RGS6: variants seen among roughly 807,000 people sequenced by gnomAD.
RGS6 encodes the protein regulator of G protein signaling 6, also known as regulator of G-protein signaling 6.
In RGS6, 30 loss-of-function variants were observed where a neutral mutation model predicts 78.5. The ratio of observed to expected loss-of-function variants is 0.38; its 90% confidence interval spans 0.29 to 0.52. The LOEUF (loss-of-function observed/expected upper bound fraction) is 0.52. Ranked by LOEUF, RGS6 falls within the 20% of genes least tolerant of loss-of-function variation. The pLI, the probability that RGS6 is intolerant of heterozygous loss-of-function variation, is 0.85. For synonymous variants in RGS6, 206 were observed against 206.0 expected (o/e 1.00, Z 0.00); for missense variants, 495 against 609.7 (o/e 0.81, Z 1.98).
At chr14:72,573,851 G>A in the RGS6 span, among the ~76,000 whole-genome samples, 6 of 152,132 alleles carry the variant, frequency 3.9e-5, no homozygotes, top group Non-Finnish European at 7.4e-5. Flanking sequence ...ACACATGCAC[G>A]TGCACACACA....
intron 2 of RGS6, among the ~76,000 whole-genome samples, chr14:72,040,066 A>C (rs2092251009): frequency 6.6e-6 from 1 of 151,898 alleles, no homozygotes; most frequent in Non-Finnish European, 1.5e-5. Context: ...CTTTCAAACT[A>C]TATCCTTTTA....
intron 2 of RGS6, among the ~76,000 whole-genome samples, chr14:72,332,794 G>A (rs1408169250): frequency 1.3e-5 from 2 of 152,154 alleles, no homozygotes; most frequent in African/African-American, 2.4e-5. Context: ...AGCCTTCCTC[G>A]GGGAAAACAG....
At chr14:72,052,983 T>TTCTTTCTC (rs1447550101) in intron 2 of RGS6, among the ~76,000 whole-genome samples, 33 of 85,630 alleles carry the variant, frequency 3.9e-4, no homozygotes, top group Non-Finnish European at 6.4e-4. Context: ...CTTTCTTTCT[T>TTCTTTCTC]TCTCTCTCTC....
At chr14:72,622,015 A>G in the RGS6 span, among the ~76,000 whole-genome samples, 7 of 152,210 alleles carry the variant, frequency 4.6e-5, no homozygotes, top group Non-Finnish European at 7.3e-5. Flanking sequence ...CTTGGGATTC[A>G]TTGTAATTAG....
At chr14:72,266,111 G>A (rs774451005) in intron 2 of RGS6, among the ~76,000 whole-genome samples, 17 of 152,156 alleles carry the variant, frequency 1.1e-4, no homozygotes, top group Admixed American at 3.3e-4. Flanking sequence ...ACTCAGCTGG[G>A]AAATTCTTTT....
At chr14:72,553,414 G>A (rs2097532164) in intron 17 of RGS6, 1 of 152,580 alleles carries the variant, frequency 6.6e-6, no homozygotes, top group Non-Finnish European at 1.5e-5. Context: ...TGCACAGAAG[G>A]TGTTCCAAAA....
chr14:72,266,217 G>A (rs2059051005), intron 2 of RGS6, among the ~76,000 whole-genome samples: 1 of 152,282 alleles, frequency 6.6e-6, no homozygotes, highest in African/African-American at 2.4e-5. Flanking sequence ...CTGGCGCCTT[G>A]GTGGGATGGC....
the RGS6 span, among the ~76,000 whole-genome samples, chr14:71,893,626 A>C: frequency 6.6e-6 from 1 of 152,208 alleles, no homozygotes; most frequent in Non-Finnish European, 1.5e-5. Context: ...ATTGGGTTTC[A>C]TGCCTCACAG....
intron 2 of RGS6, among the ~76,000 whole-genome samples, chr14:72,024,857 C>A (rs2089508875): frequency 6.6e-6 from 1 of 152,132 alleles, no homozygotes; most frequent in African/African-American, 2.4e-5. Flanking sequence ...AAAAATATAA[C>A]AAAATTCAAG....
At chr14:72,545,910 TG>T (rs1187489951) in intron 17 of RGS6, among the ~76,000 whole-genome samples, 7 of 85,984 alleles carry the variant, frequency 8.1e-5, no homozygotes, top group African/African-American at 7.2e-4. Context: ...GATGCCCAGC[TG>T]TGTGTGTGTG....
chr14:71,932,045 G>A (rs993975928), upstream of RGS6, among the ~76,000 whole-genome samples: 7 of 152,238 alleles, frequency 4.6e-5, no homozygotes, highest in African/African-American at 1.7e-4. Context: ...CCCGGGCCGG[G>A]AATCCCTAAG....
intron 2 of RGS6, among the ~76,000 whole-genome samples, chr14:72,260,489 A>G (rs1301378090): frequency 1.3e-5 from 2 of 152,216 alleles, no homozygotes; most frequent in African/African-American, 2.4e-5. Context: ...GCTCTAGCCA[A>G]CATTAGAGAT....
intron 2 of RGS6, among the ~76,000 whole-genome samples, chr14:72,118,634 G>C (rs985152423): frequency 2.4e-4 from 36 of 152,302 alleles, no homozygotes; most frequent in Admixed American, 2.3e-3. Flanking sequence ...GTCATTACAG[G>C]GTCATAGCCC....
the RGS6 span, among the ~76,000 whole-genome samples, chr14:72,620,906 C>G: frequency 6.6e-6 from 1 of 152,304 alleles, no homozygotes; most frequent in South Asian, 2.1e-4. Flanking sequence ...TTAGGGAGGC[C>G]AAGGCGCGTG....
chr14:72,119,150 C>T (rs897792794), intron 2 of RGS6, among the ~76,000 whole-genome samples: 2 of 151,932 alleles, frequency 1.3e-5, no homozygotes, highest in African/African-American at 2.4e-5. Context: ...ATTCAGTTTG[C>T]CTAAATAGAT....
intron 2 of RGS6, among the ~76,000 whole-genome samples, chr14:72,088,815 T>C (rs188165415): frequency 8.2e-4 from 125 of 152,342 alleles, no homozygotes; most frequent in African/African-American, 2.9e-3. Flanking sequence ...TTGTTCACTA[T>C]ATTCTAGTCA....
chr14:72,117,244 A>G (rs944656795), intron 2 of RGS6, among the ~76,000 whole-genome samples: 1 of 152,072 alleles, frequency 6.6e-6, no homozygotes, highest in African/African-American at 2.4e-5. Flanking sequence ...TCTCATATTG[A>G]AATGTGATTC....
chr14:71,887,189 T>A, the RGS6 span, among the ~76,000 whole-genome samples: 4 of 152,212 alleles, frequency 2.6e-5, no homozygotes, highest in Non-Finnish European at 2.9e-5. Context: ...CTGTCTTTAC[T>A]TTAATTTCTT....
intron 13 of RGS6, among the ~76,000 whole-genome samples, chr14:72,504,855 G>A (rs1260360266): frequency 6.7e-6 from 1 of 149,752 alleles, no homozygotes; most frequent in Non-Finnish European, 1.5e-5. Context: ...CTGGGTTCAA[G>A]CAATTCTCCT....
Sources: allele counts gnomAD v4.1 joint callset (sites outside exome capture counted in the v4.1 genomes callset), GRCh38; gene constraint gnomAD v4.1.1; transcripts MANE v1.5; gene names NCBI Gene and HGNC (gene_info 2026-07-23, HGNC 2026-07-21).